Variants in TOP1 observed in about 807,000 individuals in gnomAD.
TOP1 encodes DNA topoisomerase I.
A neutral mutation model predicts 111.1 loss-of-function variants in TOP1; 10 were observed. That is an observed-to-expected ratio of 0.09 (90% confidence interval 0.06 to 0.15). TOP1 has a LOEUF of 0.15. TOP1 is among the 10% of genes least tolerant of loss of function. The pLI is 1.00. For synonymous variants in TOP1, 271 were observed against 302.9 expected (o/e 0.89, Z 1.10); for missense variants, 474 against 926.7 (o/e 0.51, Z 6.34).
In TOP1 at chr20:41,116,143, C is replaced by T. The variant is rs1325298396; in HGVS notation, c.1708-135C>T. The T allele has an allele frequency of 8.2e-6, 5 of 608,980 alleles. No individual in the cohort carries two copies. Among genetic ancestry groups the T allele is most frequent in the Non-Finnish European group, 1.5e-5 (5 of 338,746 alleles). 37.7% of individuals were successfully genotyped at this position (608,980 alleles called of 1,614,324 possible). On this transcript the variant is annotated intron_variant, in intron 16 of 20. Coordinates refer to ENST00000361337, the MANE Select transcript of TOP1 (RefSeq NM_003286.4). The surrounding 1 kb of genome is among the most constrained non-coding windows in gnomAD (Gnocchi z 5.6). ...CCCTGTATTCTGGAATTCTTTTCCT[C>T]TTTCCCTAACTTCCCACTTGTAGGG...
chr20:41,113,715 C>CAAAA (rs987087793), intron 14 of TOP1, among the ~76,000 whole-genome samples: 4 of 103,648 alleles, frequency 3.9e-5, no homozygotes, highest in Non-Finnish European at 8.8e-5. Flanking sequence ...ACTAAAAATA[C>CAAAA]AAAAAAAAAA....
rs1049603374 is a variant in TOP1 at position 41,034,814 on chromosome 20, T to C, written c.58+5359T>C. Among the ~76,000 whole-genome samples, 16 of 152,216 alleles carry C rather than the reference T, an allele frequency of 1.1e-4. No individual in the cohort carries two copies. Among genetic ancestry groups the C allele is most frequent in the African/African-American group, 3.6e-4 (15 of 41,432 alleles). Reference sequence around the variant, plus strand: ...TGTCTTTATGTGTGTCATTTATGTCTCTTAACGTTTAGTAAGAAAGAAATT... The same window carrying C: ...TGTCTTTATGTGTGTCATTTATGTCCCTTAACGTTTAGTAAGAAAGAAATT... On this transcript the variant is annotated intron_variant, in intron 2 of 20. Transcript: ENST00000361337. The surrounding 1 kb of genome is among the most constrained non-coding windows in gnomAD (Gnocchi z 4.0).
At position 41,077,569 on chromosome 20, in the gene TOP1, T is replaced by C; in HGVS notation, c.280-13T>C. Reference sequence around the variant, plus strand: ...CCTTTCAAGGTACTAGTTACTGTTGTTTTACTTTTCAGGTTCGAGCCTCTG... The same window carrying C: ...CCTTTCAAGGTACTAGTTACTGTTGCTTTACTTTTCAGGTTCGAGCCTCTG... On this transcript the variant is annotated splice_polypyrimidine_tract_variant and intron_variant, in intron 4 of 20. Transcript: ENST00000361337. 6.2e-7 allele frequency: 1 copy of C among 1,613,286 alleles called. No individual in the cohort carries two copies. Among genetic ancestry groups the C allele is most frequent in the Non-Finnish European group, 8.5e-7 (1 of 1,179,174 alleles).
In TOP1 at chr20:41,122,723, G is replaced by A. The variant is rs1326451793; in HGVS notation, c.2196-472G>A. 6.6e-6 allele frequency among the ~76,000 whole-genome samples: 1 copy of A among 152,192 alleles called. No individual in the cohort carries two copies. The highest frequency in any genetic ancestry group is 2.4e-5 in the African/African-American group (1 of 41,452). On this transcript the variant is annotated intron_variant, in intron 20 of 20. Coordinates refer to ENST00000361337, the MANE Select transcript of TOP1 (RefSeq NM_003286.4). The surrounding 1 kb of genome is among the most constrained non-coding windows in gnomAD (Gnocchi z 5.4). Reference sequence around the variant, plus strand: ...TTTGAGCTGTTAAGTTCTGAGCATAGGTGGAGATATCCTCCCCTATGGCAC... The same window carrying A: ...TTTGAGCTGTTAAGTTCTGAGCATAAGTGGAGATATCCTCCCCTATGGCAC...
intron 13 of TOP1, among the ~76,000 whole-genome samples, chr20:41,108,440 C>A (rs972398299): frequency 6.6e-6 from 1 of 152,072 alleles, no homozygotes; most frequent in Non-Finnish European, 1.5e-5. Context: ...TGTCTTTGCC[C>A]CCTTTCTGGA....
chr20:41,054,839 C>A (rs1442501953), intron 2 of TOP1, among the ~76,000 whole-genome samples: 1 of 151,652 alleles, frequency 6.6e-6, no homozygotes, highest in African/African-American at 2.4e-5. Flanking sequence ...TTTTTTCTTT[C>A]TTTTTTTTAC....
At chr20:41,076,896 T>A (rs918237420) in intron 4 of TOP1, among the ~76,000 whole-genome samples, 1 of 152,192 alleles carries the variant, frequency 6.6e-6, no homozygotes, top group Non-Finnish European at 1.5e-5. Context: ...ATACTGATTA[T>A]GTTTTGTATT....
At position 41,077,590 on chromosome 20, in the gene TOP1, C is replaced by T. The variant is rs760894609; in HGVS notation, c.288C>T (p.Ala96=). ...KEKRKEEKVR[A]SGDAKIKKEK... ...GTTGTTTTACTTTTCAGGTTCGAGCCTCTGGGGATGCAAAAATAAAGAAGG... is the reference window on the plus strand; with the variant it reads ...GTTGTTTTACTTTTCAGGTTCGAGCTTCTGGGGATGCAAAAATAAAGAAGG... The change falls in exon 5 of 21, where the codon GCC becomes GCT. Residue 96 remains alanine, a synonymous_variant. Coordinates refer to ENST00000361337, the MANE Select transcript of TOP1 (RefSeq NM_003286.4). The T allele has an allele frequency of 4.3e-6, 7 of 1,613,884 alleles. No individual in the cohort carries two copies. In the Admixed American group the frequency reaches 6.7e-5, roughly 15 times the overall value.
Position 41,116,441 on chromosome 20 carries a change from C to T in TOP1, c.1822+49C>T, listed in dbSNP as rs764120918. ...GGCCCACACCCCTACTAATGGTATCCGGTGACCTTGCTTATCTAAGGCCTA... is the reference window on the plus strand; with the variant it reads ...GGCCCACACCCCTACTAATGGTATCTGGTGACCTTGCTTATCTAAGGCCTA... On this transcript the variant is annotated intron_variant, in intron 17 of 20. Transcript: ENST00000361337. The surrounding 1 kb of genome is among the most constrained non-coding windows in gnomAD (Gnocchi z 5.6). 21 of 1,449,494 alleles carry T rather than the reference C, an allele frequency of 1.4e-5. No homozygotes were observed. The highest frequency in any genetic ancestry group is 6.8e-5 in the East Asian group (3 of 43,946). 89.8% of individuals were successfully genotyped at this position (1,449,494 alleles called of 1,614,324 possible).
At chr20:41,117,380 A>ATTTTTTTTTT (rs1192075214) in intron 17 of TOP1, among the ~76,000 whole-genome samples, 1 of 85,530 alleles carries the variant, frequency 1.2e-5, no homozygotes, top group African/African-American at 4.9e-5. Context: ...CTGTGGCTTA[A>ATTTTTTTTTT]TTTTTTTTTT....
chr20:41,095,026 C>CA lies in TOP1; in HGVS notation c.731-2190dup, dbSNP rs1172029433. 1.1e-4 allele frequency among the ~76,000 whole-genome samples: 17 copies of CA among 152,044 alleles called. No homozygotes were observed. ...TAGGACAGAATTCAGTAAAACAGCC[C>CA]AAAATCTCATTTTTTTTAAATTTAT... On this transcript the variant is annotated intron_variant, in intron 9 of 20. Transcript: ENST00000361337. The surrounding 1 kb of genome is among the most constrained non-coding windows in gnomAD (Gnocchi z 4.6).
chr20:41,031,447 T>G (rs1025183963), intron 2 of TOP1, among the ~76,000 whole-genome samples: 1 of 152,236 alleles, frequency 6.6e-6, no homozygotes, highest in Admixed American at 6.5e-5. Flanking sequence ...GTCACGTGAA[T>G]GATTGTGAGC....
At position 41,118,108 on chromosome 20, in the gene TOP1, C is replaced by T; in HGVS notation, c.1823-61C>T. ...GGACGAGGCACTGGGGGAAGACATA[C>T]TGTGTGTTCACTTTTGGTGTACAAA... On this transcript the variant is annotated intron_variant, in intron 17 of 20. Coordinates refer to ENST00000361337, the MANE Select transcript of TOP1 (RefSeq NM_003286.4). The surrounding 1 kb of genome is among the most constrained non-coding windows in gnomAD (Gnocchi z 4.6). 3 of 1,572,878 alleles carry T rather than the reference C, an allele frequency of 1.9e-6. No homozygotes were observed. The highest frequency in any genetic ancestry group is 2.6e-6 in the Non-Finnish European group (3 of 1,152,474).
Position 41,123,332 on chromosome 20 carries a change from C to A in TOP1, c.*35C>A. 6.6e-7 allele frequency: 1 copy of A among 1,511,294 alleles called. No homozygotes were observed. Among genetic ancestry groups the A allele is most frequent in the Non-Finnish European group, 9.2e-7 (1 of 1,087,478 alleles). The allele number at this position is 1,511,294 out of a possible 1,614,324, so 93.6% of individuals were successfully genotyped here. On this transcript the variant is annotated 3_prime_UTR_variant, in exon 21 of 21. Coordinates refer to ENST00000361337, the MANE Select transcript of TOP1 (RefSeq NM_003286.4). This position sits in a 1 kb window ranked among gnomAD's most constrained non-coding sequence, Gnocchi z 5.8. ...AGAGGCAGAGTTCTGTGAAGAGGAACAGTGTGGTTTGGGAAAGATGGATAA... is the reference window on the plus strand; with the variant it reads ...AGAGGCAGAGTTCTGTGAAGAGGAAAAGTGTGGTTTGGGAAAGATGGATAA...
chr20:41,082,719 T>C lies in TOP1; in HGVS notation c.507+1479T>C, dbSNP rs1438549271. ...GAAGTTCAAATTAATAAGCACTAAT[T>C]CAAGGAATTGAGAGTGAAATGTTAA... On this transcript the variant is annotated intron_variant, in intron 7 of 20. Coordinates refer to ENST00000361337, the MANE Select transcript of TOP1 (RefSeq NM_003286.4). This position sits in a 1 kb window ranked among gnomAD's most constrained non-coding sequence, Gnocchi z 4.1. Among the ~76,000 whole-genome samples the C allele has an allele frequency of 6.6e-6, 1 of 152,226 alleles. No individual in the cohort carries two copies. The highest frequency in any genetic ancestry group is 1.5e-5 in the Non-Finnish European group (1 of 68,030).
intron 9 of TOP1, among the ~76,000 whole-genome samples, chr20:41,096,344 A>G (rs1210672912): frequency 6.6e-6 from 1 of 152,214 alleles, no homozygotes; most frequent in African/African-American, 2.4e-5. Context: ...CTGGGATTAC[A>G]GGCATGAGCC....
intron 8 of TOP1, among the ~76,000 whole-genome samples, chr20:41,090,205 C>A (rs902455703): frequency 3.3e-5 from 5 of 152,134 alleles, no homozygotes; most frequent in Non-Finnish European, 5.9e-5. Context: ...GAACTCCTGA[C>A]CTCAAGTGAT....
In TOP1 at chr20:41,067,675, C is replaced by T. The variant is rs1437536308; in HGVS notation, c.155+6185C>T. ...GAAAACAAGTGTTTCAGATGTGTTT[C>T]TGTGTCCCTTCCTTCTCTGCTAGAT... On this transcript the variant is annotated intron_variant, in intron 3 of 20. Coordinates refer to ENST00000361337, the MANE Select transcript of TOP1 (RefSeq NM_003286.4). This position sits in a 1 kb window ranked among gnomAD's most constrained non-coding sequence, Gnocchi z 4.0. Among the ~76,000 whole-genome samples, 3 of 152,180 alleles carry T rather than the reference C, an allele frequency of 2.0e-5. No homozygotes were observed. The highest frequency in any genetic ancestry group is 7.2e-5 in the African/African-American group (3 of 41,432).
Position 41,061,325 on chromosome 20 carries a change from C to G in TOP1, c.59-69C>G. 2.1e-6 allele frequency: 3 copies of G among 1,440,874 alleles called. No individual in the cohort carries two copies. The highest frequency in any genetic ancestry group is 4.6e-5 in the East Asian group (2 of 43,788). 89.3% of individuals were successfully genotyped at this position (1,440,874 alleles called of 1,614,324 possible). On this transcript the variant is annotated intron_variant, in intron 2 of 20. Coordinates refer to ENST00000361337, the MANE Select transcript of TOP1 (RefSeq NM_003286.4). This position sits in a 1 kb window ranked among gnomAD's most constrained non-coding sequence, Gnocchi z 4.6. Reference sequence around the variant, plus strand: ...TCCTGTCATTGTACTTCTTGACCAGCTTGTCAAGGTAGGCATACAGAAGAT... The same window carrying G: ...TCCTGTCATTGTACTTCTTGACCAGGTTGTCAAGGTAGGCATACAGAAGAT...
Sources: allele counts gnomAD v4.1 joint callset (sites outside exome capture counted in the v4.1 genomes callset), GRCh38; gene constraint gnomAD v4.1.1; non-coding constraint Gnocchi (gnomAD v3.1); transcripts MANE v1.5; gene names NCBI Gene and HGNC (gene_info 2026-07-23, HGNC 2026-07-21).